Variants in SLC7A8 observed in about 807,000 individuals in gnomAD.
SLC7A8 encodes solute carrier family 7 member 8.
Under a neutral mutation model 51.2 loss-of-function variants are expected in SLC7A8, and 30 were observed. That is an observed-to-expected ratio of 0.59 (90% CI 0.44 to 0.80). The LOEUF (loss-of-function observed/expected upper bound fraction) is 0.80. SLC7A8 is among the 30% of genes least tolerant of loss of function. The probability of loss-of-function intolerance (pLI) is 0.00; values close to 1 mark genes in which losing one functional copy is unlikely to be tolerated. For synonymous variants in SLC7A8, 257 were observed against 275.8 expected (o/e 0.93, Z 0.67); for missense variants, 612 against 674.4 (o/e 0.91, Z 1.03).
At position 23,146,125 on chromosome 14, in the gene SLC7A8, C is replaced by T. The variant is rs74404114; in HGVS notation, c.509-2921G>A. ...CCAAGGCATGCAAGGTACAAGGCTG[C>T]GCCCCTTCACCCAGGAATTCAGGCA... is the stretch of plus-strand genomic sequence containing the variant. On this transcript the variant is annotated intron_variant, in intron 3 of 10. Transcript: ENST00000316902. 4.1e-3 allele frequency among the ~76,000 whole-genome samples: 618 copies of T among 152,274 alleles called. 1 individual carries two copies. Among genetic ancestry groups the T allele is most frequent in the Non-Finnish European group, 6.1e-3 (417 of 68,032 alleles).
chr14:23,182,145 C>G (rs1175266544), intron 1 of SLC7A8, among the ~76,000 whole-genome samples: 1 of 152,246 alleles, frequency 6.6e-6, no homozygotes, highest in Non-Finnish European at 1.5e-5. Context: ...AAACTCTCCA[C>G]TTACCGAGAG....
Position 23,128,755 on chromosome 14 carries a change from G to A in SLC7A8, c.1264-559C>T, listed in dbSNP as rs1216893445. 6.6e-6 allele frequency among the ~76,000 whole-genome samples: 1 copy of A among 152,202 alleles called. No individual in the cohort carries two copies. Among genetic ancestry groups the A allele is most frequent in the Non-Finnish European group, 1.5e-5 (1 of 68,046 alleles). On this transcript the variant is annotated intron_variant, in intron 9 of 10. Coordinates refer to ENST00000316902, the MANE Select transcript of SLC7A8 (RefSeq NM_012244.4). This position sits in a 1 kb window ranked among gnomAD's most constrained non-coding sequence, Gnocchi z 4.3. ...GAGAGTATCCTCTTCAGGGCTCCAG[G>A]GGCAGTCCTGATTCGGCTGCCTTTC...
At chr14:23,134,437 C>CAA (rs57162273) in intron 7 of SLC7A8, among the ~76,000 whole-genome samples, 663 of 64,208 alleles carry the variant, frequency 0.01, 25 homozygotes, top group African/African-American at 0.036. Context: ...ACCCTGTCTC[C>CAA]AAAAAAAAAA....
At position 23,182,725 on chromosome 14, in the gene SLC7A8, A is replaced by AG. The variant is rs374912889; in HGVS notation, c.151+38dup. On this transcript the variant is annotated intron_variant, in intron 1 of 10. Coordinates refer to ENST00000316902, the MANE Select transcript of SLC7A8 (RefSeq NM_012244.4). The stretch of plus-strand genomic sequence containing the variant: ...TAAGATCTCACAGGAGGACCACCAG[A>AG]GGGGAGAGGAGGGGTCCGCGGGAAG... The AG allele has an allele frequency of 1.5e-3, 2,344 of 1,515,194 alleles. 60 individuals carry two copies. The South Asian group carries it at 0.029, about 19-fold the overall frequency. 93.9% of individuals were successfully genotyped at this position (1,515,194 alleles called of 1,614,324 possible).
intron 6 of SLC7A8, among the ~76,000 whole-genome samples, 192 bp downstream of exon 6, chr14:23,139,232 A>C (rs913668015): frequency 1.3e-5 from 2 of 152,298 alleles, no homozygotes; most frequent in Admixed American, 6.5e-5. Context: ...TTCTAGGTAC[A>C]ACCCAGCCAC....
At chr14:23,138,416 C>T (rs1432580755) in intron 6 of SLC7A8, among the ~76,000 whole-genome samples, 2 of 152,186 alleles carry the variant, frequency 1.3e-5, no homozygotes, top group African/African-American at 4.8e-5. Flanking sequence ...TTCTCCAGCA[C>T]AGGGAAGGGC....
At position 23,183,166 on chromosome 14, in the gene SLC7A8, G is replaced by T; in HGVS notation, c.-252C>A. On this transcript the variant is annotated 5_prime_UTR_variant, in exon 1 of 11. Coordinates refer to ENST00000316902, the MANE Select transcript of SLC7A8 (RefSeq NM_012244.4). ...AAAAAAAAAAAAAAAAAAGGCCAGG[G>T]GAGACATACATTTAAATATAAAAAT... 1 of 436,884 alleles carries T rather than the reference G, an allele frequency of 2.3e-6. No homozygotes were observed. The highest frequency in any genetic ancestry group is 4.0e-6 in the Non-Finnish European group (1 of 247,468). The allele number at this position is 436,884 out of a possible 1,614,324, so 27.1% of individuals were successfully genotyped here. A position where few individuals can be genotyped will look rare whatever the true frequency, so the allele number is the denominator to read the frequency against.
At chr14:23,153,587 G>T (rs755419924) in intron 3 of SLC7A8, among the ~76,000 whole-genome samples, 1 of 152,234 alleles carries the variant, frequency 6.6e-6, no homozygotes, top group Non-Finnish European at 1.5e-5. Flanking sequence ...AAAAGGGGAA[G>T]ACTTTCACAG....
intron 6 of SLC7A8, 28 bp downstream of exon 6, chr14:23,139,396 A>G (rs2048720711): frequency 1.2e-6 from 2 of 1,613,480 alleles, no homozygotes; most frequent in Non-Finnish European, 1.7e-6. Context: ...CATTCCTGGT[A>G]TGAGACTCTG....
intron 3 of SLC7A8, among the ~76,000 whole-genome samples, chr14:23,164,249 C>T (rs906660080): frequency 1.3e-5 from 2 of 152,208 alleles, no homozygotes; most frequent in Admixed American, 1.3e-4. Flanking sequence ...AAACCCTTCT[C>T]CAAGAGAGTT....
chr14:23,138,545 A>C lies in SLC7A8; in HGVS notation c.913-521T>G, dbSNP rs2048712769. On this transcript the variant is annotated intron_variant, in intron 6 of 10. Coordinates refer to ENST00000316902, the MANE Select transcript of SLC7A8 (RefSeq NM_012244.4). The stretch of plus-strand genomic sequence containing the variant: ...TTTGAGCCTCTGTCTCCAACTGCAA[A>C]ATAGGGATTAATCCAGAATCACAGG... Among the ~76,000 whole-genome samples, 3 of 152,316 alleles carry C rather than the reference A, an allele frequency of 2.0e-5. No individual in the cohort carries two copies. In the South Asian group the frequency reaches 6.2e-4, roughly 32 times the overall value.
At chr14:23,167,671 G>A (rs564754216) in intron 1 of SLC7A8, among the ~76,000 whole-genome samples, 5 of 152,276 alleles carry the variant, frequency 3.3e-5, no homozygotes, top group Non-Finnish European at 7.4e-5. Flanking sequence ...GGTCCATTGA[G>A]TGGGTGCTTT....
chr14:23,155,592 A>ACCCTGGATTTCTTGGTGT, intron 3 of SLC7A8: 1 of 864,030 alleles, frequency 1.2e-6, no homozygotes, highest in Non-Finnish European at 1.5e-6. Context: ...AAAACTGGAC[A>ACCCTGGATTTCTTGGTGT]CCAAGAAATC....
chr14:23,133,168 T>C lies in SLC7A8; in HGVS notation c.1017-1611A>G, dbSNP rs188363587. ...AAAATTATATCCTGTCTGGGCACGG[T>C]GGGTAACACCTGCAATCCCAGCACT... On this transcript the variant is annotated intron_variant, in intron 7 of 10. Transcript: ENST00000316902. Among the ~76,000 whole-genome samples, 3 of 152,284 alleles carry C rather than the reference T, an allele frequency of 2.0e-5. No individual in the cohort carries two copies. In the East Asian group the frequency reaches 5.8e-4, roughly 29 times the overall value.
chr14:23,151,834 C>T (rs971114934), intron 3 of SLC7A8, among the ~76,000 whole-genome samples: 13 of 149,882 alleles, frequency 8.7e-5, no homozygotes, highest in Non-Finnish European at 1.8e-4. Flanking sequence ...GAAGCTGAGG[C>T]GGATAGATCA....
chr14:23,152,078 A>G (rs191683347), intron 3 of SLC7A8, among the ~76,000 whole-genome samples: 1 of 151,608 alleles, frequency 6.6e-6, no homozygotes, highest in Non-Finnish European at 1.5e-5. Context: ...AAAAGCAAAG[A>G]AAAAAAAAGC....
In SLC7A8 at chr14:23,128,027, TCA is replaced by T; in HGVS notation, c.1431_1432del (p.Ser477ArgfsTer4). On this transcript the variant is annotated frameshift_variant, in exon 10 of 11. Coordinates refer to ENST00000316902, the MANE Select transcript of SLC7A8 (RefSeq NM_012244.4). LOFTEE classifies it low-confidence loss of function (END_TRUNC). The surrounding 1 kb of genome is among the most constrained non-coding windows in gnomAD (Gnocchi z 4.3). ...AGCCTCCAACAACTCACCAATGAAGTCACTGAAACACTTGGGCTTGTGTTGCC... is the reference window on the plus strand; with the variant it reads ...AGCCTCCAACAACTCACCAATGAAGTCTGAAACACTTGGGCTTGTGTTGCC... 1 of 1,613,676 alleles carries T rather than the reference TCA, an allele frequency of 6.2e-7. No individual in the cohort carries two copies. The highest frequency in any genetic ancestry group is 8.5e-7 in the Non-Finnish European group (1 of 1,179,714).
intron 3 of SLC7A8, among the ~76,000 whole-genome samples, chr14:23,143,506 A>T (rs1407449514): frequency 6.6e-6 from 1 of 152,230 alleles, no homozygotes; most frequent in African/African-American, 2.4e-5. Flanking sequence ...ATCAGGGCAC[A>T]AGTATGGGCT....
chr14:23,131,519 C>A lies in SLC7A8; in HGVS notation c.1055G>T (p.Ser352Ile). ...CTTCACGTGGATCATGGCCAACACA[C>A]TGGGAAGGTGGCCCTCTCGGGCTCC... is the stretch of plus-strand genomic sequence containing the variant. ...FAGAREGHLP[S>I]VLAMIHVKRC... Residue 352 changes from serine to isoleucine, a missense_variant, in exon 8 of 11, where the codon AGT becomes ATT. By Grantham distance (142) the Ser-to-Ile change is moderately radical. Coordinates refer to ENST00000316902, the MANE Select transcript of SLC7A8 (RefSeq NM_012244.4). 3.1e-6 allele frequency: 5 copies of A among 1,608,732 alleles called. No individual in the cohort carries two copies. The highest frequency in any genetic ancestry group is 2.3e-5 in the East Asian group (1 of 44,244).
Sources: allele counts gnomAD v4.1 joint callset (sites outside exome capture counted in the v4.1 genomes callset), GRCh38; gene constraint gnomAD v4.1.1; non-coding constraint Gnocchi (gnomAD v3.1); transcripts MANE v1.5; gene names NCBI Gene and HGNC (gene_info 2026-07-23, HGNC 2026-07-21).